The following PLEKHG1 variants were observed in gnomAD, a reference collection of about 807,000 sequenced individuals.
PLEKHG1 encodes pleckstrin homology and RhoGEF domain containing G1.
PLEKHG1 carries 44 observed loss-of-function variants against 100.8 expected under a neutral mutation model. The observed-to-expected ratio is 0.44, with a 90% CI of 0.34 to 0.56. The LOEUF (loss-of-function observed/expected upper bound fraction) is 0.56, where lower values mean the gene tolerates loss of function less well. Among genes scored for constraint, PLEKHG1 ranks in the 20% least tolerant of loss-of-function variants. The pLI is 0.01. For synonymous variants in PLEKHG1, 640 were observed against 662.5 expected, an observed-to-expected ratio of 0.97 and a Z score of 0.52; for missense variants, 1,545 against 1,720.9, an observed-to-expected ratio of 0.90 and a Z score of 1.81.
intron 1 of PLEKHG1, among the ~76,000 whole-genome samples, chr6:150,731,073 G>A (rs1371010802): frequency 6.6e-6 from 1 of 152,052 alleles, no homozygotes; most frequent in African/African-American, 2.4e-5. Flanking sequence ...AGGAAACCTT[G>A]TTGTGTCCAC....
rs756621195 is a variant in PLEKHG1, at chr6:150,677,283, T to TACGCACACACACACAC, written c.-99+26498_-99+26499insCGCACACACACACACA. The stretch of plus-strand genomic sequence containing the variant: ...CAGTCTTGTCTCTTGTTTCTTCCCC[T>TACGCACACACACACAC]ATACACACACACACACACACGCGCG... On this transcript the variant is annotated intron_variant, in intron 3 of 3. Coordinates refer to the PLEKHG1 transcript ENST00000367326. Among the ~76,000 whole-genome samples the TACGCACACACACACAC allele has an allele frequency of 1.4e-3, 184 of 134,260 alleles. 1 individual carries two copies. Among genetic ancestry groups the TACGCACACACACACAC allele is most frequent in the African/African-American group, 4.0e-3 (158 of 39,510 alleles). 88.1% of individuals were successfully genotyped at this position (134,260 alleles called of 152,430 possible).
intron 1 of PLEKHG1, among the ~76,000 whole-genome samples, chr6:150,619,269 C>G (rs138638003): frequency 0.01 from 1,548 of 152,208 alleles, 9 homozygotes; most frequent in Non-Finnish European, 0.015. Flanking sequence ...CAGTGGTCTC[C>G]TTTGCACTTT....
chr6:150,652,874 A>G (rs1778808371), intron 3 of PLEKHG1, among the ~76,000 whole-genome samples: 1 of 152,220 alleles, frequency 6.6e-6, no homozygotes, highest in Non-Finnish European at 1.5e-5. Flanking sequence ...ATAATGCTTT[A>G]TTGGAGACAT....
intron 2 of PLEKHG1, among the ~76,000 whole-genome samples, chr6:150,763,341 A>G: frequency 6.6e-6 from 1 of 152,022 alleles, no homozygotes; most frequent in East Asian, 1.9e-4. Context: ...CTTAACCAAT[A>G]TCTTATCAGT....
chr6:150,795,604 C>T (rs1251055061), intron 4 of PLEKHG1, among the ~76,000 whole-genome samples: 1 of 151,638 alleles, frequency 6.6e-6, no homozygotes, highest in African/African-American at 2.4e-5. Context: ...TTCCTGTAAT[C>T]CCAGCTACTC....
chr6:150,739,077 C>G (rs904588449), intron 2 of PLEKHG1, among the ~76,000 whole-genome samples: 1 of 152,064 alleles, frequency 6.6e-6, no homozygotes, highest in Admixed American at 6.6e-5. Context: ...CTTTTGAGAA[C>G]CTCATAAGAT....
chr6:150,729,874 C>T (rs1782155593), intron 1 of PLEKHG1, among the ~76,000 whole-genome samples: 1 of 151,666 alleles, frequency 6.6e-6, no homozygotes, highest in East Asian at 1.9e-4. Flanking sequence ...TGAAGGGGTC[C>T]CTATTGATCT....
intron 2 of PLEKHG1, among the ~76,000 whole-genome samples, chr6:150,641,970 A>G (rs1562403302): frequency 6.9e-6 from 1 of 145,332 alleles, no homozygotes; most frequent in Non-Finnish European, 1.5e-5. Flanking sequence ...TTTTCAAGTG[A>G]TGTAACACAT....
chr6:150,668,051 A>G (rs1779466040), intron 3 of PLEKHG1, among the ~76,000 whole-genome samples: 1 of 152,250 alleles, frequency 6.6e-6, no homozygotes, highest in South Asian at 2.1e-4. Context: ...TATGAAAGTG[A>G]AGATTGATGC....
intron 1 of PLEKHG1, among the ~76,000 whole-genome samples, chr6:150,633,837 G>C (rs543192030): frequency 6.6e-6 from 1 of 152,244 alleles, no homozygotes; most frequent in South Asian, 2.1e-4. Flanking sequence ...GGGTGAGTTT[G>C]GATGTATGGG....
chr6:150,794,623 C>T (rs928712396), intron 4 of PLEKHG1, among the ~76,000 whole-genome samples: 8 of 151,664 alleles, frequency 5.3e-5, no homozygotes, highest in South Asian at 2.1e-4. Flanking sequence ...GCCGAGGTTG[C>T]GCCACTGCAC....
chr6:150,777,761 TCA>T (rs886579374), intron 3 of PLEKHG1, among the ~76,000 whole-genome samples: 2 of 149,684 alleles, frequency 1.3e-5, no homozygotes, highest in Middle Eastern at 7.1e-3. Context: ...TGCACACTAC[TCA>T]CACTGATGCA....
rs1050629284 is a variant in PLEKHG1 at position 150,683,318 on chromosome 6, C to T, written c.-99+32532C>T. ...TCTTTAAACAGCCTTCAGGATGATT[C>T]TGGTTTTCTAGATGTGTTTCCTTTC... On this transcript the variant is annotated intron_variant, in intron 3 of 3. Transcript: ENST00000367326. The surrounding 1 kb of genome is among the most constrained non-coding windows in gnomAD (Gnocchi z 4.0). 4.5e-4 allele frequency among the ~76,000 whole-genome samples: 69 copies of T among 152,200 alleles called. No homozygotes were observed. Among genetic ancestry groups the T allele is most frequent in the African/African-American group, 1.6e-3 (67 of 41,450 alleles).
chr6:150,716,569 G>A (rs1781456195), upstream of PLEKHG1, among the ~76,000 whole-genome samples: 1 of 152,134 alleles, frequency 6.6e-6, no homozygotes, highest in Non-Finnish European at 1.5e-5. Flanking sequence ...GCACAGTTCA[G>A]CAAGGTGCCT....
At chr6:150,827,637 G>A in intron 14 of PLEKHG1, 1 of 806,572 alleles carries the variant, frequency 1.2e-6, no homozygotes, top group South Asian at 1.3e-5. Context: ...GGCACAGCTG[G>A]CTTGAGCAAC....
chr6:150,695,695 CA>C (rs1780516240), intron 3 of PLEKHG1, among the ~76,000 whole-genome samples: 1 of 152,172 alleles, frequency 6.6e-6, no homozygotes, highest in African/African-American at 2.4e-5. Flanking sequence ...CAAATATGCA[CA>C]CCAAAAAAGT....
At chr6:150,813,035 G>A (rs1308085123) in intron 10 of PLEKHG1, among the ~76,000 whole-genome samples, 2 of 152,148 alleles carry the variant, frequency 1.3e-5, no homozygotes, top group Admixed American at 6.6e-5. Flanking sequence ...GCCGGGCGCG[G>A]TGGCTCACAC....
intron 14 of PLEKHG1, among the ~76,000 whole-genome samples, chr6:150,829,891 A>C (rs1223435437): frequency 2.6e-5 from 4 of 152,176 alleles, no homozygotes; most frequent in Non-Finnish European, 5.9e-5. Context: ...TTCGTATACC[A>C]GAAACCACGA....
chr6:150,692,840 C>T (rs1031545925), intron 3 of PLEKHG1, among the ~76,000 whole-genome samples: 7 of 152,216 alleles, frequency 4.6e-5, no homozygotes, highest in Admixed American at 1.3e-4. Flanking sequence ...ACTGTCAGAG[C>T]GAGTGCATTG....
Sources: allele counts gnomAD v4.1 joint callset (sites outside exome capture counted in the v4.1 genomes callset), GRCh38; gene constraint gnomAD v4.1.1; non-coding constraint Gnocchi (gnomAD v3.1); transcripts MANE v1.5; gene names NCBI Gene and HGNC (gene_info 2026-07-23, HGNC 2026-07-21).